The following CTIF variants were observed in gnomAD, a reference collection of about 807,000 sequenced individuals.
CTIF encodes the protein cap binding complex dependent translation initiation factor, also known as CBP80/20-dependent translation initiation factor.
A neutral mutation model predicts 66.0 loss-of-function variants in CTIF; 21 were observed. The observed-to-expected ratio is 0.32, with a 90% confidence interval of 0.23 to 0.46. CTIF has a LOEUF of 0.46. Among genes scored for constraint, CTIF ranks in the 20% least tolerant of loss-of-function variants. The pLI, the probability that CTIF is intolerant of heterozygous loss-of-function variation, is 1.00. For missense variants in CTIF, 739 were observed against 812.7 expected (o/e 0.91, Z 1.10); for synonymous variants, 345 against 326.4 (o/e 1.06, Z -0.62).
chr18:48,725,277 C>T (rs1034727562), intron 7 of CTIF, among the ~76,000 whole-genome samples: 52 of 152,066 alleles, frequency 3.4e-4, no homozygotes, highest in African/African-American at 9.9e-4. Flanking sequence ...CTGACTGTGC[C>T]CTGATATTCA....
chr18:48,607,289 C>T (rs1308927310), intron 1 of CTIF, among the ~76,000 whole-genome samples: 1 of 152,188 alleles, frequency 6.6e-6, no homozygotes, highest in Non-Finnish European at 1.5e-5. Context: ...TGTAAGAGCG[C>T]TGGGCACCGG....
intron 1 of CTIF, among the ~76,000 whole-genome samples, chr18:48,593,247 G>C (rs542776364): frequency 1.3e-5 from 2 of 152,176 alleles, no homozygotes; most frequent in Non-Finnish European, 2.9e-5. Context: ...CAACACCTCC[G>C]CTGGGATTCT....
rs771863567 is a variant in CTIF, at chr18:48,670,651, C to T, written c.432-18C>T. The T allele has an allele frequency of 4.3e-6, 7 of 1,612,430 alleles. No homozygotes were observed. The highest frequency in any genetic ancestry group is 1.1e-5 in the South Asian group (1 of 91,018). On this transcript the variant is annotated intron_variant, in intron 5 of 11. Coordinates refer to ENST00000256413, the MANE Select transcript of CTIF (RefSeq NM_014772.3). Reference sequence around the variant, plus strand: ...AATGAGCCATCTTTCCAATGCCTTTCTGTCTTTTCTGGTCCAGGTGTGGCA... The same window carrying T: ...AATGAGCCATCTTTCCAATGCCTTTTTGTCTTTTCTGGTCCAGGTGTGGCA...
rs115692357 is a variant in CTIF, at chr18:48,567,569, C to A, written c.-29+28257C>A. 3.2e-3 allele frequency: 481 copies of A among 152,278 alleles called. 2 individuals carry two copies. Among genetic ancestry groups the A allele is most frequent in the African/African-American group, 0.011 (443 of 41,552 alleles). 9.4% of individuals were successfully genotyped at this position (152,278 alleles called of 1,614,324 possible). ...AAAACAAGGGCAAGTCTATTGAGAGCCACTTTCTATGGCAGGGCCTGAGAT... is the reference window on the plus strand; with the variant it reads ...AAAACAAGGGCAAGTCTATTGAGAGACACTTTCTATGGCAGGGCCTGAGAT... On this transcript the variant is annotated intron_variant, in intron 1 of 11. Coordinates refer to ENST00000256413, the MANE Select transcript of CTIF (RefSeq NM_014772.3).
chr18:48,644,356 T>A (rs2090987947), intron 3 of CTIF, among the ~76,000 whole-genome samples: 1 of 152,128 alleles, frequency 6.6e-6, no homozygotes, highest in Non-Finnish European at 1.5e-5. Flanking sequence ...GAAGCTGCAG[T>A]GAGAAGATGT....
Position 48,845,482 on chromosome 18 carries a change from C to G in CTIF, c.1528-12106C>G, listed in dbSNP as rs554245123. ...ATTTCCTCCTGTTCTGCTTAACTCTCTGACCACCCTTTTCTTCCTTCTTTG... is the reference window on the plus strand; with the variant it reads ...ATTTCCTCCTGTTCTGCTTAACTCTGTGACCACCCTTTTCTTCCTTCTTTG... On this transcript the variant is annotated intron_variant, in intron 10 of 11. Transcript: ENST00000256413. Among the ~76,000 whole-genome samples, 4 of 152,346 alleles carry G rather than the reference C, an allele frequency of 2.6e-5. No homozygotes were observed. The East Asian group carries it at 7.7e-4, about 29-fold the overall frequency.
intron 1 of CTIF, chr18:48,566,562 G>A (rs953864980): frequency 1.3e-5 from 2 of 152,264 alleles, no homozygotes; most frequent in Non-Finnish European, 2.9e-5. Flanking sequence ...CTTACAGGGG[G>A]TCTGCATGAC....
chr18:48,835,591 T>C (rs1175196846), intron 10 of CTIF, among the ~76,000 whole-genome samples: 2 of 152,142 alleles, frequency 1.3e-5, no homozygotes, highest in Non-Finnish European at 2.9e-5. Context: ...ATCCCACATC[T>C]ATAAGCACAG....
Position 48,640,698 on chromosome 18 carries a change from C to A in CTIF, c.252+4013C>A, listed in dbSNP as rs532046837. ...AGAGGTCCTGCATTCTGCCAAGCAA[C>A]CTCTGGGTGGTGGGTCACAGACCAT... On this transcript the variant is annotated intron_variant, in intron 3 of 11. Transcript: ENST00000256413. Among the ~76,000 whole-genome samples, 8 of 152,356 alleles carry A rather than the reference C, an allele frequency of 5.3e-5. No homozygotes were observed. The East Asian group carries it at 1.3e-3, about 26-fold the overall frequency.
At chr18:48,706,054 GGT>G (rs893907381) in intron 6 of CTIF, among the ~76,000 whole-genome samples, 2 of 152,172 alleles carry the variant, frequency 1.3e-5, no homozygotes, top group African/African-American at 4.8e-5. Flanking sequence ...GAGAGACAAG[GGT>G]GGATGGATGG....
intron 7 of CTIF, among the ~76,000 whole-genome samples, chr18:48,752,857 A>G (rs942177816): frequency 6.6e-5 from 10 of 152,198 alleles, no homozygotes; most frequent in Admixed American, 3.9e-4. Flanking sequence ...AGCCAATACC[A>G]TGATGTCCCT....
chr18:48,661,668 G>A (rs1351908356), intron 3 of CTIF, among the ~76,000 whole-genome samples: 1 of 152,164 alleles, frequency 6.6e-6, no homozygotes, highest in African/African-American at 2.4e-5. Context: ...AACATTAGGG[G>A]CCACCTGCTT....
chr18:48,757,895 C>T (rs1023018123), intron 7 of CTIF, 24 bp from the exon 8 acceptor site: 28 of 1,597,034 alleles, frequency 1.8e-5, no homozygotes, highest in Non-Finnish European at 2.3e-5. Flanking sequence ...ATCGCCTTCT[C>T]TGTCTTTCCT....
chr18:48,791,774 C>T (rs1278434508), intron 9 of CTIF, among the ~76,000 whole-genome samples: 4 of 152,226 alleles, frequency 2.6e-5, no homozygotes, highest in Non-Finnish European at 5.9e-5. Context: ...AGATTAATCT[C>T]TCTCTCTCTG....
At chr18:48,858,956 ACAGGG>A (rs2069393081) in intron 11 of CTIF, among the ~76,000 whole-genome samples, 1 of 152,176 alleles carries the variant, frequency 6.6e-6, no homozygotes, top group African/African-American at 2.4e-5. Flanking sequence ...GAAAATGACC[ACAGGG>A]CCCCCTGATC....
At chr18:48,623,736 ATTT>A (rs1051621281) in intron 2 of CTIF, among the ~76,000 whole-genome samples, 1 of 152,266 alleles carries the variant, frequency 6.6e-6, no homozygotes, top group African/African-American at 2.4e-5. Context: ...TGGTGAGGTC[ATTT>A]TTTAGGATCT....
intron 6 of CTIF, among the ~76,000 whole-genome samples, chr18:48,678,928 A>G (rs1385975845): frequency 6.6e-6 from 1 of 152,186 alleles, no homozygotes; most frequent in Non-Finnish European, 1.5e-5. Context: ...TTGCAAATAA[A>G]GTTTTATCAA....
At chr18:48,539,505 C>T (rs1172423895) in intron 1 of CTIF, 193 bp downstream of exon 1, 1 of 152,474 alleles carries the variant, frequency 6.6e-6, no homozygotes, top group Non-Finnish European at 1.5e-5. Context: ...CTACCATCCC[C>T]TCCTCCCCCT....
chr18:48,657,983 G>A (rs1185930295), intron 3 of CTIF, among the ~76,000 whole-genome samples: 1 of 152,088 alleles, frequency 6.6e-6, no homozygotes, highest in Non-Finnish European at 1.5e-5. Context: ...AGAGAGGTGG[G>A]TCTGTTTCCT....
Sources: gnomAD v4.1 joint callset for allele counts (sites outside exome capture counted in the v4.1 genomes callset) on GRCh38, gnomAD v4.1.1 for gene constraint, MANE v1.5 for transcripts, NCBI Gene and HGNC (gene_info 2026-07-23, HGNC 2026-07-21) for gene names.